Variants in XRN1 observed in about 807,000 individuals in gnomAD.
XRN1 encodes the protein strand-exchange protein 1 homolog.
A neutral mutation model predicts 222.3 loss-of-function variants in XRN1; 67 were observed. That is an observed-to-expected ratio of 0.30 (90% confidence interval 0.25 to 0.37). The LOEUF is 0.37. Ranked by LOEUF, XRN1 falls within the 10% of genes least tolerant of loss-of-function variation. XRN1 has a pLI of 1.00. For synonymous variants in XRN1, 643 were observed against 652.4 expected (o/e 0.99, Z 0.22); for missense variants, 1,707 against 2,000.2 (o/e 0.85, Z 2.80).
chr3:142,370,446 C>T (rs754683545), intron 27 of XRN1, 39 bp downstream of exon 27: 1 of 1,575,354 alleles, frequency 6.3e-7, no homozygotes, highest in Non-Finnish European at 8.6e-7. Flanking sequence ...CATTTAATTC[C>T]AAATCTCATC....
chr3:142,400,606 C>G, intron 18 of XRN1, 59 bp from the exon 19 acceptor site: 4 of 1,379,246 alleles, frequency 2.9e-6, no homozygotes, highest in Non-Finnish European at 4.0e-6. Context: ...AAACTTTACA[C>G]AGGCAAAATT....
intron 2 of XRN1, among the ~76,000 whole-genome samples, chr3:142,427,698 G>C (rs2069317319): frequency 6.6e-6 from 1 of 152,190 alleles, no homozygotes; most frequent in Non-Finnish European, 1.5e-5. Context: ...TGAGGCAACA[G>C]AATTTACTAG....
At chr3:142,376,676 G>A in intron 23 of XRN1, 82 bp from the exon 24 acceptor site, 2 of 993,342 alleles carry the variant, frequency 2.0e-6, no homozygotes, top group South Asian at 1.5e-5. Context: ...AAAATCTGGA[G>A]ATAATCAAGA....
intron 15 of XRN1, among the ~76,000 whole-genome samples, chr3:142,411,733 G>A (rs2068588455): frequency 1.3e-5 from 2 of 151,886 alleles, no homozygotes; most frequent in African/African-American, 4.8e-5. Flanking sequence ...AAAATGTATG[G>A]GGATCCCCCA....
intron 32 of XRN1, among the ~76,000 whole-genome samples, chr3:142,351,307 A>T: frequency 6.6e-6 from 1 of 152,192 alleles, no homozygotes; most frequent in South Asian, 2.1e-4. Context: ...CAGGAAGAAA[A>T]ACAGGGAAGG....
At chr3:142,335,834 G>A (rs2065838142) in intron 33 of XRN1, among the ~76,000 whole-genome samples, 1 of 152,130 alleles carries the variant, frequency 6.6e-6, no homozygotes, top group South Asian at 2.1e-4. Context: ...GAAGTTAAGG[G>A]TAAAATGGAG....
intron 32 of XRN1, among the ~76,000 whole-genome samples, chr3:142,351,086 A>AT (rs969156362): frequency 6.6e-6 from 1 of 151,806 alleles, no homozygotes; most frequent in Admixed American, 6.6e-5. Flanking sequence ...ATCTAAATCT[A>AT]TTTTTTTCTC....
At chr3:142,391,829 A>T (rs898540817) in intron 20 of XRN1, among the ~76,000 whole-genome samples, 3 of 150,220 alleles carry the variant, frequency 2.0e-5, no homozygotes, top group Admixed American at 6.7e-5. Context: ...AAGGGTTTTT[A>T]ATATATGGTG....
At chr3:142,321,582 T>A (rs1300139135) in intron 37 of XRN1, among the ~76,000 whole-genome samples, 1 of 152,234 alleles carries the variant, frequency 6.6e-6, no homozygotes, top group Non-Finnish European at 1.5e-5. Context: ...CATAACAATA[T>A]TAAGTTTTCC....
chr3:142,432,297 G>A (rs374539468), intron 2 of XRN1, among the ~76,000 whole-genome samples: 11 of 138,426 alleles, frequency 7.9e-5, no homozygotes, highest in African/African-American at 3.3e-4. Flanking sequence ...GCGCTTGGCT[G>A]TAATCCCAGC....
chr3:142,358,320 CG>C (rs1458094261), intron 30 of XRN1, among the ~76,000 whole-genome samples: 5 of 152,012 alleles, frequency 3.3e-5, no homozygotes, highest in Non-Finnish European at 7.4e-5. Flanking sequence ...CTTTGATAAA[CG>C]TGTCAGATAT....
Position 142,431,150 on chromosome 3 carries a change from C to A in XRN1, c.308+1511G>T, listed in dbSNP as rs544242424. Among the ~76,000 whole-genome samples, 53 of 152,334 alleles carry A rather than the reference C, an allele frequency of 3.5e-4. 1 individual carries two copies. In the South Asian group the frequency reaches 0.011, roughly 32 times the overall value. ...TCACTTTCTAGTTACCATCCCAGGG[C>A]AGACTACTATTGGAGCTTTTCTCTA... On this transcript the variant is annotated intron_variant, in intron 2 of 40. Coordinates refer to ENST00000392981, the MANE Select transcript of XRN1 (RefSeq NM_001282857.2).
chr3:142,329,654 A>C (rs368357011), intron 36 of XRN1, 39 bp from the exon 37 acceptor site: 23 of 1,508,146 alleles, frequency 1.5e-5, no homozygotes, highest in Non-Finnish European at 1.8e-5. Flanking sequence ...TTATTAATAA[A>C]ATACTATCTC....
intron 20 of XRN1, among the ~76,000 whole-genome samples, chr3:142,386,224 A>G (rs2067492956): frequency 6.6e-6 from 1 of 152,078 alleles, no homozygotes; most frequent in Non-Finnish European, 1.5e-5. Context: ...ACATTTCAGG[A>G]AATCTTTATA....
At chr3:142,394,828 C>G (rs1577356453) in intron 20 of XRN1, among the ~76,000 whole-genome samples, 1 of 152,080 alleles carries the variant, frequency 6.6e-6, no homozygotes, top group Non-Finnish European at 1.5e-5. Context: ...TGATTTTCAT[C>G]AGAAAAAAAA....
At chr3:142,324,165 A>C (rs1055339459) in intron 37 of XRN1, among the ~76,000 whole-genome samples, 3 of 151,646 alleles carry the variant, frequency 2.0e-5, no homozygotes, top group African/African-American at 7.3e-5. Flanking sequence ...TTACATATAT[A>C]TACATGTGCC....
intron 20 of XRN1, among the ~76,000 whole-genome samples, chr3:142,388,419 TA>T (rs2067590171): frequency 6.6e-6 from 1 of 152,260 alleles, no homozygotes; most frequent in Non-Finnish European, 1.5e-5. Context: ...TTTTAGCAGT[TA>T]AGTTTTGGGG....
intron 36 of XRN1, among the ~76,000 whole-genome samples, chr3:142,331,123 C>A (rs1467073708): frequency 6.6e-6 from 1 of 152,134 alleles, no homozygotes; most frequent in African/African-American, 2.4e-5. Context: ...CAGCCAATTC[C>A]AGGTTTTGAT....
intron 2 of XRN1, among the ~76,000 whole-genome samples, chr3:142,431,407 G>A (rs971509963): frequency 3.3e-5 from 5 of 152,130 alleles, no homozygotes; most frequent in East Asian, 1.9e-4. Flanking sequence ...CTGGCCAGAC[G>A]TGGTGGCTCA....
Sources: allele counts gnomAD v4.1 joint callset (sites outside exome capture counted in the v4.1 genomes callset), GRCh38; gene constraint gnomAD v4.1.1; transcripts MANE v1.5; gene names NCBI Gene and HGNC (gene_info 2026-07-23, HGNC 2026-07-21).